The following TXK variants were observed in gnomAD, a reference collection of about 807,000 sequenced individuals.
TXK encodes tyrosine-protein kinase TXK.
TXK carries 60 observed loss-of-function variants against 81.0 expected under a neutral mutation model. The ratio of observed to expected loss-of-function variants is 0.74; its 90% CI spans 0.60 to 0.92. The LOEUF (loss-of-function observed/expected upper bound fraction) is 0.92. Among genes scored for constraint, TXK ranks in the 40% least tolerant of loss-of-function variants. The pLI is 0.00. For synonymous variants in TXK, 203 were observed against 210.7 expected, an observed-to-expected ratio of 0.96 and a Z score of 0.32; for missense variants, 581 against 638.3, an observed-to-expected ratio of 0.91 and a Z score of 0.97.
At chr4:48,097,081 CA>C (rs1718009771) in intron 6 of TXK, among the ~76,000 whole-genome samples, 1 of 151,782 alleles carries the variant, frequency 6.6e-6, no homozygotes, top group South Asian at 2.1e-4. Flanking sequence ...TTAATAAAGA[CA>C]AAACATAAAA....
chr4:48,091,541 T>G (rs1303634140), intron 8 of TXK, among the ~76,000 whole-genome samples: 1 of 151,992 alleles, frequency 6.6e-6, no homozygotes, highest in African/African-American at 2.4e-5. Flanking sequence ...GTTTCACTCT[T>G]GTTGCCCAGG....
intron 1 of TXK, among the ~76,000 whole-genome samples, chr4:48,115,871 A>C (rs1156835179): frequency 6.6e-6 from 1 of 152,044 alleles, no homozygotes; most frequent in East Asian, 1.9e-4. Flanking sequence ...AACATAAATA[A>C]ATTTTGAATT....
chr4:48,107,753 C>T (rs144930738), intron 5 of TXK, among the ~76,000 whole-genome samples: 1 of 151,820 alleles, frequency 6.6e-6, no homozygotes, highest in Non-Finnish European at 1.5e-5. Flanking sequence ...TGTATCATAA[C>T]ACTACGATTT....
At chr4:48,071,739 C>T in intron 13 of TXK, 65 bp from the exon 14 acceptor site, 1 of 1,556,650 alleles carries the variant, frequency 6.4e-7, no homozygotes, top group Admixed American at 1.8e-5. Flanking sequence ...ACTGAAAGAA[C>T]AATTTCAAAC....
chr4:48,094,574 G>A (rs1385627538), intron 7 of TXK, among the ~76,000 whole-genome samples: 1 of 152,192 alleles, frequency 6.6e-6, no homozygotes, highest in Non-Finnish European at 1.5e-5. Context: ...CCAATGCCAG[G>A]TGCATTAGTT....
At chr4:48,120,078 TACACAC>T (rs33968490) in intron 1 of TXK, among the ~76,000 whole-genome samples, 1 of 149,404 alleles carries the variant, frequency 6.7e-6, no homozygotes, top group African/African-American at 2.5e-5. Context: ...AGCATATATA[TACACAC>T]ACACACACGT....
chr4:48,079,422 A>G (rs1185223024), intron 11 of TXK, among the ~76,000 whole-genome samples: 2 of 152,170 alleles, frequency 1.3e-5, no homozygotes, highest in African/African-American at 4.8e-5. Flanking sequence ...AGATCGATTA[A>G]CTGGCTCACC....
At chr4:48,081,294 T>C (rs1349822573) in intron 10 of TXK, among the ~76,000 whole-genome samples, 1 of 152,168 alleles carries the variant, frequency 6.6e-6, no homozygotes, top group Non-Finnish European at 1.5e-5. Context: ...GAAATGTTAC[T>C]GCATTTCCTT....
chr4:48,114,363 C>T lies in TXK; in HGVS notation c.56G>A (p.Cys19Tyr), dbSNP rs149183519. Residue 19 changes from cysteine to tyrosine, a missense_variant, in exon 2 of 15, where the codon TGT (cysteine) becomes TAT (tyrosine). By Grantham distance (194) the Cys-to-Tyr change is radical (BLOSUM62 -2). Transcript: ENST00000264316. ...IQSVFCCCCC[C>Y]SVQKRQMRTQ... is the part of the protein sequence containing the mutation. ...GTAGACTTACCGCTTCTGCACTGAA[C>T]AGCAACAGCAGCAACAGAAAACCGA... 1.8e-4 allele frequency: 295 copies of T among 1,614,062 alleles called. 1 individual carries two copies. The highest frequency in any genetic ancestry group is 1.8e-3 in the Middle Eastern group (11 of 6,062).
chr4:48,087,750 A>C (rs73151618), intron 9 of TXK, among the ~76,000 whole-genome samples: 5,497 of 152,228 alleles, frequency 0.036, 337 homozygotes, highest in African/African-American at 0.13. Context: ...GGTATGTTTT[A>C]AAAGTAACAT....
chr4:48,114,483 G>A (rs560802531), intron 1 of TXK, 81 bp from the exon 2 acceptor site: 22 of 1,390,002 alleles, frequency 1.6e-5, no homozygotes, highest in South Asian at 8.2e-5. Context: ...AGGGTGAGAC[G>A]AATTATTATA....
intron 8 of TXK, among the ~76,000 whole-genome samples, chr4:48,091,634 T>G (rs1423630572): frequency 2.0e-5 from 3 of 151,768 alleles, no homozygotes; most frequent in African/African-American, 4.8e-5. Flanking sequence ...GCCTCTCGAG[T>G]AGGTGAGATT....
At chr4:48,081,104 T>C (rs1007479000) in intron 10 of TXK, among the ~76,000 whole-genome samples, 1 of 151,834 alleles carries the variant, frequency 6.6e-6, no homozygotes, top group African/African-American at 2.4e-5. Context: ...TTTGGAGATA[T>C]ATATATATTA....
intron 1 of TXK, among the ~76,000 whole-genome samples, chr4:48,117,243 T>C (rs1345621698): frequency 6.6e-6 from 1 of 152,216 alleles, no homozygotes. Context: ...CATTTCCCCT[T>C]TGCCACTGCC....
intron 5 of TXK, among the ~76,000 whole-genome samples, chr4:48,108,599 T>A (rs1377075490): frequency 1.3e-5 from 2 of 152,164 alleles, no homozygotes; most frequent in Admixed American, 6.5e-5. Flanking sequence ...ATCAATAAAT[T>A]TCAGTGATCA....
chr4:48,130,479 A>G (rs1248906067), intron 1 of TXK, among the ~76,000 whole-genome samples: 2 of 152,152 alleles, frequency 1.3e-5, no homozygotes, highest in Non-Finnish European at 2.9e-5. Flanking sequence ...TGCTCCCAAC[A>G]AAGCAGCCGG....
intron 5 of TXK, among the ~76,000 whole-genome samples, chr4:48,106,661 G>C (rs901292841): frequency 1.3e-5 from 2 of 152,092 alleles, no homozygotes; most frequent in Non-Finnish European, 2.9e-5. Context: ...AACCCCATTA[G>C]ATCTGAGAAT....
chr4:48,130,998 G>A (rs983609827), intron 1 of TXK, among the ~76,000 whole-genome samples: 1 of 152,128 alleles, frequency 6.6e-6, no homozygotes, highest in Non-Finnish European at 1.5e-5. Flanking sequence ...TAGGCAAACA[G>A]GGGAGCTAAG....
intron 10 of TXK, among the ~76,000 whole-genome samples, chr4:48,085,062 T>G (rs1281486786): frequency 6.6e-6 from 1 of 152,224 alleles, no homozygotes; most frequent in Non-Finnish European, 1.5e-5. Flanking sequence ...AGCATTGCTG[T>G]TCCTCTAAAT....
Sources: gnomAD v4.1 joint callset for allele counts (sites outside exome capture counted in the v4.1 genomes callset) on GRCh38, gnomAD v4.1.1 for gene constraint, MANE v1.5 for transcripts, NCBI Gene and HGNC (gene_info 2026-07-23, HGNC 2026-07-21) for gene names.